Variants in LHFPL3 observed in about 807,000 individuals in gnomAD.
LHFPL3 encodes the protein LHFPL tetraspan subfamily member 3.
Under a neutral mutation model 19.3 loss-of-function variants are expected in LHFPL3, and 5 were observed. That is an observed-to-expected ratio of 0.26 (90% CI 0.14 to 0.54). LHFPL3 has a LOEUF of 0.54. LHFPL3 is among the 20% of genes least tolerant of loss of function. The pLI is 0.94. For synonymous variants in LHFPL3, 133 were observed against 126.2 expected, an observed-to-expected ratio of 1.05 and a Z score of -0.36; for missense variants, 249 against 307.4, an observed-to-expected ratio of 0.81 and a Z score of 1.42.
intron 1 of LHFPL3, among the ~76,000 whole-genome samples, chr7:104,562,478 C>T (rs954191431): frequency 6.6e-5 from 10 of 152,202 alleles, no homozygotes; most frequent in Admixed American, 5.2e-4. Context: ...ATCGCATCGG[C>T]TCCTGAGGCT....
intron 2 of LHFPL3, among the ~76,000 whole-genome samples, chr7:104,853,392 T>C (rs553842881): frequency 2.0e-5 from 3 of 152,332 alleles, no homozygotes; most frequent in African/African-American, 7.2e-5. Context: ...CACTTGAGCC[T>C]ACTCTGTGCC....
chr7:104,616,752 A>G (rs912770400), intron 1 of LHFPL3, among the ~76,000 whole-genome samples: 2 of 152,222 alleles, frequency 1.3e-5, no homozygotes, highest in African/African-American at 4.8e-5. Flanking sequence ...CAATCTATCC[A>G]TCTGACAAAG....
At chr7:104,812,836 A>G (rs1480211355) in intron 2 of LHFPL3, among the ~76,000 whole-genome samples, 3 of 127,264 alleles carry the variant, frequency 2.4e-5, no homozygotes, top group African/African-American at 6.0e-5. Context: ...AAAAAAGGCC[A>G]GGCGCAGTGG....
intron 1 of LHFPL3, among the ~76,000 whole-genome samples, chr7:104,602,585 G>A (rs931650392): frequency 1.3e-5 from 2 of 152,192 alleles, no homozygotes; most frequent in Non-Finnish European, 2.9e-5. Context: ...AAGTGGTAAA[G>A]TTCCCATAAT....
chr7:104,808,015 C>T (rs767606356), intron 2 of LHFPL3, among the ~76,000 whole-genome samples: 7 of 152,214 alleles, frequency 4.6e-5, no homozygotes, highest in Non-Finnish European at 7.3e-5. Flanking sequence ...GGACTATACT[C>T]CATCTCGGCT....
At chr7:104,456,479 G>C (rs1332465506) in intron 1 of LHFPL3, among the ~76,000 whole-genome samples, 3 of 152,162 alleles carry the variant, frequency 2.0e-5, no homozygotes, top group Non-Finnish European at 4.4e-5. Context: ...ACCTCAGATA[G>C]TACCAAACCC....
chr7:104,838,484 G>A (rs1472101978), intron 2 of LHFPL3, among the ~76,000 whole-genome samples: 2 of 152,190 alleles, frequency 1.3e-5, no homozygotes, highest in African/African-American at 4.8e-5. Context: ...AAGACACCCA[G>A]AATTCCAACT....
chr7:104,420,319 T>C (rs1027757394), intron 1 of LHFPL3, among the ~76,000 whole-genome samples: 1 of 152,174 alleles, frequency 6.6e-6, no homozygotes, highest in Non-Finnish European at 1.5e-5. Flanking sequence ...GTTAGTGAAA[T>C]GGGAAAACCA....
intron 1 of LHFPL3, among the ~76,000 whole-genome samples, chr7:104,656,355 G>C (rs1432904654): frequency 1.3e-5 from 2 of 152,088 alleles, no homozygotes; most frequent in African/African-American, 4.8e-5. Flanking sequence ...GTAGGCCAGA[G>C]AGGAGGGAAA....
Position 104,810,697 on chromosome 7 carries a change from C to T in LHFPL3, c.682+73786C>T, listed in dbSNP as rs150284972. 4.6e-3 allele frequency among the ~76,000 whole-genome samples: 699 copies of T among 152,268 alleles called. 1 individual carries two copies. The highest frequency in any genetic ancestry group is 0.01 in the Middle Eastern group (3 of 294). ...GGAGGTGTTATTAGTGCTATTGGGA[C>T]AACATAGCTTGTATTTGGCAGACCA... On this transcript the variant is annotated intron_variant, in intron 2 of 2. Coordinates refer to ENST00000424859, the MANE Select transcript of LHFPL3 (RefSeq NM_199000.3).
At chr7:104,693,024 G>A (rs1792931571) in intron 1 of LHFPL3, among the ~76,000 whole-genome samples, 1 of 152,242 alleles carries the variant, frequency 6.6e-6, no homozygotes, top group African/African-American at 2.4e-5. Flanking sequence ...AGCTGCCCAA[G>A]GCCGTGAGAG....
intron 1 of LHFPL3, among the ~76,000 whole-genome samples, chr7:104,617,781 G>A (rs1406682112): frequency 6.6e-6 from 1 of 152,154 alleles, no homozygotes; most frequent in Non-Finnish European, 1.5e-5. Context: ...TCATGGAAAT[G>A]GTAATTCCAT....
At chr7:104,735,051 A>G (rs1362620846) in intron 1 of LHFPL3, among the ~76,000 whole-genome samples, 1 of 152,210 alleles carries the variant, frequency 6.6e-6, no homozygotes, top group Non-Finnish European at 1.5e-5. Context: ...TGAAAAGCAA[A>G]TGTTGCTGTC....
chr7:104,375,938 G>A (rs1790705704), intron 1 of LHFPL3, among the ~76,000 whole-genome samples: 1 of 152,144 alleles, frequency 6.6e-6, no homozygotes, highest in Non-Finnish European at 1.5e-5. Flanking sequence ...AGCATTGTCT[G>A]GAATATTTGC....
At chr7:104,774,467 T>C (rs965098617) in intron 2 of LHFPL3, among the ~76,000 whole-genome samples, 1 of 152,220 alleles carries the variant, frequency 6.6e-6, no homozygotes, top group Non-Finnish European at 1.5e-5. Context: ...GTTCAGAATT[T>C]GGCCCCAGGC....
intron 1 of LHFPL3, among the ~76,000 whole-genome samples, chr7:104,589,410 A>G (rs1790655819): frequency 6.6e-6 from 1 of 152,222 alleles, no homozygotes; most frequent in Non-Finnish European, 1.5e-5. Flanking sequence ...ATGATGGATT[A>G]CATTTATTGA....
chr7:104,600,282 T>C (rs1790938154), intron 1 of LHFPL3, among the ~76,000 whole-genome samples: 1 of 152,236 alleles, frequency 6.6e-6, no homozygotes, highest in South Asian at 2.1e-4. Flanking sequence ...CGAGAGTTAA[T>C]CTCTCATCTT....
At chr7:104,693,576 T>C (rs925752447) in intron 1 of LHFPL3, among the ~76,000 whole-genome samples, 2 of 152,184 alleles carry the variant, frequency 1.3e-5, no homozygotes, top group Non-Finnish European at 2.9e-5. Context: ...TTCCACCTTC[T>C]TTCAGCATTC....
At chr7:104,340,363 A>G (rs894490994) in intron 1 of LHFPL3, among the ~76,000 whole-genome samples, 1 of 152,204 alleles carries the variant, frequency 6.6e-6, no homozygotes, top group African/African-American at 2.4e-5. Context: ...GTAGGCATCT[A>G]AAGTTAAGTT....
Sources: allele counts gnomAD v4.1 joint callset (sites outside exome capture counted in the v4.1 genomes callset), GRCh38; gene constraint gnomAD v4.1.1; transcripts MANE v1.5; gene names NCBI Gene and HGNC (gene_info 2026-07-23, HGNC 2026-07-21).